Variants in GRB10 observed in about 807,000 individuals in gnomAD.
The protein encoded by GRB10 is growth factor receptor-bound protein 10.
Under a neutral mutation model 80.9 loss-of-function variants are expected in GRB10, and 20 were observed. The observed-to-expected ratio is 0.25, with a 90% CI of 0.17 to 0.36. The LOEUF (loss-of-function observed/expected upper bound fraction) is 0.36, where lower values mean the gene tolerates loss of function less well. Ranked by LOEUF, GRB10 falls within the 10% of genes least tolerant of loss-of-function variation. GRB10 has a pLI of 1.00. For synonymous variants in GRB10, 291 were observed against 291.5 expected, an observed-to-expected ratio of 1.00 and a Z score of 0.02; for missense variants, 548 against 747.7, an observed-to-expected ratio of 0.73 and a Z score of 3.12.
intron 10 of GRB10, among the ~76,000 whole-genome samples, chr7:50,617,477 G>C (rs1386084066): frequency 6.6e-6 from 1 of 152,212 alleles, no homozygotes; most frequent in East Asian, 1.9e-4. Flanking sequence ...CCCCGGAGGA[G>C]TGTGTGTGAG....
chr7:50,604,468 G>A (rs2048170134), intron 15 of GRB10, 91 bp from the exon 16 acceptor site: 2 of 1,094,636 alleles, frequency 1.8e-6, no homozygotes, highest in Non-Finnish European at 2.8e-6. Flanking sequence ...GCCACTGGGT[G>A]GGGTGCCTGA....
chr7:50,640,454 T>C (rs1269394785), intron 7 of GRB10, among the ~76,000 whole-genome samples: 1 of 152,166 alleles, frequency 6.6e-6, no homozygotes, highest in Non-Finnish European at 1.5e-5. Context: ...CCACATTAGG[T>C]TTACTGCAAG....
intron 5 of GRB10, among the ~76,000 whole-genome samples, chr7:50,677,835 G>A (rs563989459): frequency 6.8e-4 from 103 of 152,248 alleles, no homozygotes; most frequent in Admixed American, 2.4e-3. Context: ...TGCCACACAC[G>A]TGCACACGTG....
chr7:50,727,357 G>C, intron 4 of GRB10, among the ~76,000 whole-genome samples: 1 of 152,198 alleles, frequency 6.6e-6, no homozygotes, highest in Non-Finnish European at 1.5e-5. Flanking sequence ...TCTCCCTCCA[G>C]GGCTGGGAGC....
At chr7:50,644,105 T>G (rs1326361919) in intron 7 of GRB10, among the ~76,000 whole-genome samples, 1 of 152,204 alleles carries the variant, frequency 6.6e-6, no homozygotes, top group African/African-American at 2.4e-5. Flanking sequence ...GGAGCATCTC[T>G]GTTTCTTTTC....
At chr7:50,641,906 T>C (rs1298566458) in intron 7 of GRB10, among the ~76,000 whole-genome samples, 2 of 151,898 alleles carry the variant, frequency 1.3e-5, no homozygotes, top group Non-Finnish European at 2.9e-5. Context: ...GGCAAGGGCG[T>C]GGGAAGGCTC....
At chr7:50,645,419 T>C (rs2057026463) in intron 7 of GRB10, among the ~76,000 whole-genome samples, 1 of 152,112 alleles carries the variant, frequency 6.6e-6, no homozygotes, top group South Asian at 2.1e-4. Context: ...CACAGCAGCT[T>C]TCAGCCATCT....
intron 2 of GRB10, among the ~76,000 whole-genome samples, chr7:50,764,679 T>C (rs1013474738): frequency 3.3e-5 from 5 of 152,154 alleles, no homozygotes; most frequent in African/African-American, 2.4e-5. Context: ...TCTGCCTCAA[T>C]TTCCTCAACT....
At chr7:50,770,759 C>T (rs1364080971) in intron 2 of GRB10, among the ~76,000 whole-genome samples, 2 of 27,698 alleles carry the variant, frequency 7.2e-5, no homozygotes, top group African/African-American at 5.5e-4. Flanking sequence ...GACACTCTTC[C>T]CATTTTTTTT....
At chr7:50,599,612 G>A (rs1271984706) in intron 17 of GRB10, among the ~76,000 whole-genome samples, 3 of 152,228 alleles carry the variant, frequency 2.0e-5, no homozygotes, top group Admixed American at 6.5e-5. Flanking sequence ...AAGGCTCCAG[G>A]GAGGACGGAG....
Position 50,739,272 on chromosome 7 carries a change from A to T in GRB10, c.-46-6904T>A, listed in dbSNP as rs114051623. ...CTTCAAAAATGTTGCACCCAATAAC[A>T]CTTTTTCTGAAAAGTACATTGGGTG... On this transcript the variant is annotated intron_variant, in intron 3 of 18. Transcript: ENST00000401949. Among the ~76,000 whole-genome samples, 234 of 152,336 alleles carry T rather than the reference A, an allele frequency of 1.5e-3. 1 individual carries two copies. Among genetic ancestry groups the T allele is most frequent in the African/African-American group, 5.3e-3 (220 of 41,568 alleles).
intron 8 of GRB10, among the ~76,000 whole-genome samples, chr7:50,625,543 C>T (rs549419268): frequency 6.6e-6 from 1 of 152,314 alleles, no homozygotes; most frequent in Admixed American, 6.5e-5. Flanking sequence ...ACGTCCCAAG[C>T]TGGAGCTTGA....
intron 4 of GRB10, among the ~76,000 whole-genome samples, chr7:50,708,600 C>T (rs909466980): frequency 6.6e-6 from 1 of 151,042 alleles, no homozygotes; most frequent in African/African-American, 2.4e-5. Context: ...TTTTGTTTGT[C>T]TGTGTGTCTG....
chr7:50,632,291 A>T (rs1178164428), intron 7 of GRB10, among the ~76,000 whole-genome samples: 1 of 152,110 alleles, frequency 6.6e-6, no homozygotes, highest in East Asian at 1.9e-4. Flanking sequence ...AACCTACTTA[A>T]AAAAAATGTG....
intron 4 of GRB10, among the ~76,000 whole-genome samples, chr7:50,731,363 A>T (rs2069693195): frequency 6.6e-6 from 1 of 152,174 alleles, no homozygotes. Flanking sequence ...TGCTGTAGGC[A>T]ATTTCTCATC....
chr7:50,715,900 A>G (rs2066782000), intron 4 of GRB10, among the ~76,000 whole-genome samples: 1 of 152,248 alleles, frequency 6.6e-6, no homozygotes, highest in African/African-American at 2.4e-5. Context: ...CACATGACGC[A>G]GCCCTACTAG....
At chr7:50,668,953 G>T (rs1459938073) in intron 7 of GRB10, among the ~76,000 whole-genome samples, 1 of 152,176 alleles carries the variant, frequency 6.6e-6, no homozygotes, top group Non-Finnish European at 1.5e-5. Context: ...CAAAAAGGAG[G>T]TTATTGCCCT....
At chr7:50,666,326 C>A (rs1054722949) in intron 7 of GRB10, among the ~76,000 whole-genome samples, 1 of 152,146 alleles carries the variant, frequency 6.6e-6, no homozygotes, top group African/African-American at 2.4e-5. Context: ...TCAAGGTGAG[C>A]GAAGGCAGAG....
chr7:50,660,691 G>C (rs979634610), intron 7 of GRB10, among the ~76,000 whole-genome samples: 1 of 152,176 alleles, frequency 6.6e-6, no homozygotes, highest in Non-Finnish European at 1.5e-5. Context: ...AGAAGGAAAG[G>C]AGTTAGAGAT....
Sources: gnomAD v4.1 joint callset for allele counts (sites outside exome capture counted in the v4.1 genomes callset) on GRCh38, gnomAD v4.1.1 for gene constraint, MANE v1.5 for transcripts, NCBI Gene and HGNC (gene_info 2026-07-23, HGNC 2026-07-21) for gene names.